The following KAT6B variants were observed in gnomAD, a reference collection of about 807,000 sequenced individuals.
The protein encoded by KAT6B is lysine acetyltransferase 6B.
A neutral mutation model predicts 187.5 loss-of-function variants in KAT6B; 10 were observed. That is an observed-to-expected ratio of 0.05 (90% CI 0.03 to 0.09). KAT6B has a LOEUF of 0.09. KAT6B is among the 10% of genes least tolerant of loss of function. The probability of loss-of-function intolerance (pLI) is 1.00; values close to 1 mark genes in which losing one functional copy is unlikely to be tolerated. For synonymous variants in KAT6B, 861 were observed against 926.8 expected, an observed-to-expected ratio of 0.93 and a Z score of 1.29; for missense variants, 1,952 against 2,558.9, an observed-to-expected ratio of 0.76 and a Z score of 5.12.
chr10:74,960,425 A>G (rs1024615952), intron 4 of KAT6B, among the ~76,000 whole-genome samples: 1 of 152,280 alleles, frequency 6.6e-6, no homozygotes, highest in Admixed American at 6.5e-5. Context: ...TTAAAAATTA[A>G]TAGCAAAAAA....
chr10:74,830,288 C>T (rs935775184), intron 1 of KAT6B, among the ~76,000 whole-genome samples: 1 of 152,036 alleles, frequency 6.6e-6, no homozygotes, highest in Admixed American at 6.6e-5. Context: ...TCCATTGTTG[C>T]CGAATATTTG....
At chr10:74,924,397 G>C (rs1848345933) in intron 3 of KAT6B, among the ~76,000 whole-genome samples, 1 of 152,192 alleles carries the variant, frequency 6.6e-6, no homozygotes, top group African/African-American at 2.4e-5. Flanking sequence ...AATGCATGCT[G>C]TCAGTTTGGT....
chr10:75,020,731 A>C lies in KAT6B; in HGVS notation c.2779A>C (p.Ile927Leu), dbSNP rs773149607. The change falls in exon 14 of 18, where the codon ATT (isoleucine) becomes CTT (leucine). Residue 927 changes from isoleucine to leucine, a missense_variant. Ile to Leu is a conservative substitution (Grantham distance 5). This residue lies in a region of KAT6B where 758 missense variants were observed against 891.4 expected (regional missense o/e 0.85). Coordinates refer to ENST00000287239, the MANE Select transcript of KAT6B (RefSeq NM_012330.4). ...HHERHISIKA[I>L]SRATGMCPHD... ...TGAGAGGCACATCAGCATCAAGGCA[A>C]TTAGCAGAGCGACGGGCATGTGCCC... 2 of 1,614,236 alleles carry C rather than the reference A, an allele frequency of 1.2e-6. No individual in the cohort carries two copies. The highest frequency in any genetic ancestry group is 2.2e-5 in the South Asian group (2 of 91,090).
At chr10:74,932,105 T>C (rs1230290595) in intron 3 of KAT6B, among the ~76,000 whole-genome samples, 1 of 152,242 alleles carries the variant, frequency 6.6e-6, no homozygotes, top group East Asian at 1.9e-4. Flanking sequence ...TCTTTGAATC[T>C]TTTATGGCAT....
chr10:74,973,406 G>A (rs186117047), intron 7 of KAT6B, among the ~76,000 whole-genome samples: 4 of 152,306 alleles, frequency 2.6e-5, no homozygotes, highest in African/African-American at 9.6e-5. Context: ...AGGTGTTTAC[G>A]AATGGGATCA....
intron 3 of KAT6B, among the ~76,000 whole-genome samples, chr10:74,891,858 A>G (rs1226727475): frequency 6.6e-6 from 1 of 152,212 alleles, no homozygotes; most frequent in Admixed American, 6.5e-5. Context: ...TTCTTTAAGG[A>G]AGCAGATAGG....
At chr10:74,905,040 T>G (rs1846660132) in intron 3 of KAT6B, among the ~76,000 whole-genome samples, 1 of 152,210 alleles carries the variant, frequency 6.6e-6, no homozygotes, top group Non-Finnish European at 1.5e-5. Flanking sequence ...TATTAGCTAG[T>G]GAAGAAGGGT....
chr10:74,976,432 T>C (rs1842167908), intron 8 of KAT6B, 102 bp downstream of exon 8: 2 of 934,866 alleles, frequency 2.1e-6, no homozygotes, highest in Admixed American at 3.9e-5. Flanking sequence ...ACATAGGTCT[T>C]AGCTATTTCT....
chr10:74,860,536 T>A (rs1443830353), intron 3 of KAT6B, among the ~76,000 whole-genome samples: 8 of 152,240 alleles, frequency 5.3e-5, no homozygotes. Context: ...TTGGAGCTGG[T>A]GTTTCAATCC....
intron 5 of KAT6B, 60 bp from the exon 6 acceptor site, chr10:74,969,960 A>AT: frequency 2.4e-6 from 3 of 1,270,004 alleles, no homozygotes; most frequent in Non-Finnish European, 3.4e-6. Flanking sequence ...TAACAAAAGA[A>AT]TTTTTGGCCT....
At chr10:74,847,920 C>CT (rs528371220) in intron 3 of KAT6B, among the ~76,000 whole-genome samples, 2,884 of 131,714 alleles carry the variant, frequency 0.022, 89 homozygotes, top group African/African-American at 0.062. Flanking sequence ...TTTTCTTTTT[C>CT]TTTTTTTTTT....
chr10:74,882,797 A>G (rs970995190), intron 3 of KAT6B, among the ~76,000 whole-genome samples: 1 of 152,256 alleles, frequency 6.6e-6, no homozygotes, highest in African/African-American at 2.4e-5. Context: ...GTCCAGTTAA[A>G]ACATTTTGCA....
chr10:75,009,704 A>G (rs1486185117), intron 13 of KAT6B, among the ~76,000 whole-genome samples: 1 of 152,152 alleles, frequency 6.6e-6, no homozygotes, highest in East Asian at 1.9e-4. Context: ...AGATTCCCTA[A>G]GATTAAAGGC....
intron 9 of KAT6B, 21 bp from the exon 10 acceptor site, chr10:74,979,203 C>T: frequency 6.5e-7 from 1 of 1,527,800 alleles, no homozygotes; most frequent in Non-Finnish European, 9.1e-7. Flanking sequence ...TTATTATTTT[C>T]CTTTTCTTTC....
intron 13 of KAT6B, among the ~76,000 whole-genome samples, chr10:75,007,408 A>C (rs1280373555): frequency 6.6e-6 from 1 of 152,206 alleles, no homozygotes; most frequent in East Asian, 1.9e-4. Flanking sequence ...ATAGATTACA[A>C]GGAAAAGAAA....
intron 3 of KAT6B, among the ~76,000 whole-genome samples, chr10:74,864,559 G>A (rs895848500): frequency 9.2e-5 from 14 of 151,504 alleles, no homozygotes; most frequent in African/African-American, 2.7e-4. Flanking sequence ...TTATATATTT[G>A]GAGACAGGGT....
At chr10:74,874,243 C>T (rs1378431131) in intron 3 of KAT6B, among the ~76,000 whole-genome samples, 1 of 152,112 alleles carries the variant, frequency 6.6e-6, no homozygotes, top group Non-Finnish European at 1.5e-5. Flanking sequence ...CCTGTAGTCC[C>T]CATGGGAATA....
chr10:74,921,089 A>T (rs1405182063), intron 3 of KAT6B, among the ~76,000 whole-genome samples: 1 of 145,274 alleles, frequency 6.9e-6, no homozygotes, highest in Non-Finnish European at 1.5e-5. Flanking sequence ...CCTAATGTGT[A>T]TGGGTCACTG....
At chr10:74,853,998 ACTTC>A (rs1394694975) in intron 3 of KAT6B, among the ~76,000 whole-genome samples, 1 of 152,076 alleles carries the variant, frequency 6.6e-6, no homozygotes, top group Non-Finnish European at 1.5e-5. Flanking sequence ...TTGTTTATAA[ACTTC>A]CTTTTCTTGG....
Sources: allele counts gnomAD v4.1 joint callset (sites outside exome capture counted in the v4.1 genomes callset), GRCh38; gene constraint gnomAD v4.1.1; regional missense constraint gnomAD v4.1.1; transcripts MANE v1.5; gene names NCBI Gene and HGNC (gene_info 2026-07-23, HGNC 2026-07-21).